The following RBMS3 variants were observed in gnomAD, a reference collection of about 807,000 sequenced individuals.
RBMS3 encodes RNA binding motif single stranded interacting protein 3, also known as RNA-binding motif, single-stranded-interacting protein 3.
In RBMS3, 27 loss-of-function variants were observed where a neutral mutation model predicts 66.8. The ratio of observed to expected loss-of-function variants is 0.40; its 90% CI spans 0.30 to 0.56. The LOEUF is 0.56. RBMS3 is among the 20% of genes least tolerant of loss of function. The probability of loss-of-function intolerance (pLI) is 0.40; values close to 1 mark genes in which losing one functional copy is unlikely to be tolerated. For synonymous variants in RBMS3, 188 were observed against 183.0 expected, an observed-to-expected ratio of 1.03 and a Z score of -0.22; for missense variants, 513 against 549.5, an observed-to-expected ratio of 0.93 and a Z score of 0.66.
intron 1 of RBMS3, among the ~76,000 whole-genome samples, chr3:29,339,999 G>A (rs2036187609): frequency 3.9e-5 from 6 of 152,104 alleles, no homozygotes; most frequent in Non-Finnish European, 8.8e-5. Context: ...AAAACACCAA[G>A]TTGGGGCCAG....
chr3:29,359,343 T>G (rs148159463), intron 1 of RBMS3, among the ~76,000 whole-genome samples: 2,042 of 152,332 alleles, frequency 0.013, 41 homozygotes, highest in African/African-American at 0.047. Flanking sequence ...ATATGCTGGA[T>G]TACGTTTATT....
intron 1 of RBMS3, among the ~76,000 whole-genome samples, chr3:29,368,633 G>T (rs2038032168): frequency 6.6e-6 from 1 of 151,184 alleles, no homozygotes; most frequent in Non-Finnish European, 1.5e-5. Context: ...TAGATTTTTT[G>T]AGTTTGTGAC....
At chr3:29,953,777 C>T (rs766669917) in intron 12 of RBMS3, among the ~76,000 whole-genome samples, 2 of 151,888 alleles carry the variant, frequency 1.3e-5, no homozygotes, top group Admixed American at 1.3e-4. Context: ...CATATTTATG[C>T]TCCTTCAGCT....
chr3:29,970,976 C>G (rs57130455), intron 12 of RBMS3, among the ~76,000 whole-genome samples: 1 of 152,074 alleles, frequency 6.6e-6, no homozygotes, highest in African/African-American at 2.4e-5. Context: ...TCCGTCTTCC[C>G]GCCAGCTTCT....
At chr3:29,656,277 A>C (rs1004754747) in intron 4 of RBMS3, among the ~76,000 whole-genome samples, 1 of 152,304 alleles carries the variant, frequency 6.6e-6, no homozygotes, top group Non-Finnish European at 1.5e-5. Flanking sequence ...ATTCATGTAC[A>C]TCATTTCAAA....
intron 1 of RBMS3, among the ~76,000 whole-genome samples, chr3:29,353,402 A>G (rs2037039952): frequency 6.6e-6 from 1 of 151,902 alleles, no homozygotes; most frequent in Admixed American, 6.6e-5. Flanking sequence ...TCTGTGTGCC[A>G]TTTTGCGTTA....
chr3:29,937,997 C>G lies in RBMS3; in HGVS notation c.1050+1801C>G, dbSNP rs149116649. On this transcript the variant is annotated intron_variant, in intron 11 of 14. Coordinates refer to ENST00000383767, the MANE Select transcript of RBMS3 (RefSeq NM_001003793.3). ...ACAATCTGGAATCTGATTAAAGAGA[C>G]AATTATAATGCAAAACATAGAAACT... 1.4e-3 allele frequency among the ~76,000 whole-genome samples: 210 copies of G among 151,800 alleles called. 1 individual carries two copies. Among genetic ancestry groups the G allele is most frequent in the African/African-American group, 4.8e-3 (199 of 41,444 alleles).
chr3:29,366,452 C>T (rs1328686947), intron 1 of RBMS3, among the ~76,000 whole-genome samples: 2 of 152,128 alleles, frequency 1.3e-5, no homozygotes, highest in African/African-American at 4.8e-5. Context: ...AGTGGTGTAT[C>T]AAAGTTAACT....
chr3:29,803,509 T>C (rs146707807), intron 6 of RBMS3, among the ~76,000 whole-genome samples: 299 of 152,220 alleles, frequency 2.0e-3, no homozygotes, highest in Non-Finnish European at 3.4e-3. Context: ...CTAAAATTCA[T>C]TGGAATATCT....
At chr3:29,288,850 C>CTG (rs2032581649) in intron 1 of RBMS3, among the ~76,000 whole-genome samples, 1 of 151,910 alleles carries the variant, frequency 6.6e-6, no homozygotes, top group African/African-American at 2.4e-5. Context: ...CTCAGCTATA[C>CTG]TGTAGTATTG....
chr3:29,987,416 C>G (rs1388965265), intron 12 of RBMS3, among the ~76,000 whole-genome samples: 1 of 152,102 alleles, frequency 6.6e-6, no homozygotes, highest in African/African-American at 2.4e-5. Context: ...ACAACTTATC[C>G]TCAATACATA....
intron 1 of RBMS3, among the ~76,000 whole-genome samples, chr3:29,352,733 C>A (rs545375570): frequency 6.6e-6 from 1 of 152,060 alleles, no homozygotes; most frequent in African/African-American, 2.4e-5. Context: ...CTCTCTTTAT[C>A]CCTCTTGCAC....
At chr3:29,917,195 T>C (rs1314955756) in intron 10 of RBMS3, among the ~76,000 whole-genome samples, 5 of 152,022 alleles carry the variant, frequency 3.3e-5, no homozygotes, top group Non-Finnish European at 7.4e-5. Context: ...GGAAAAATAA[T>C]TTAAAAACTA....
At chr3:29,603,883 T>C (rs1004665730) in intron 4 of RBMS3, among the ~76,000 whole-genome samples, 2 of 151,918 alleles carry the variant, frequency 1.3e-5, no homozygotes, top group African/African-American at 2.4e-5. Context: ...CTACAATATC[T>C]ATAAACATTT....
chr3:29,767,338 G>A (rs1432323556), intron 6 of RBMS3: 1 of 151,908 alleles, frequency 6.6e-6, no homozygotes, highest in East Asian at 1.9e-4. Context: ...GCTCCTATCA[G>A]TGGAGCAATC....
chr3:29,444,049 A>G (rs933618695), intron 2 of RBMS3, among the ~76,000 whole-genome samples: 1 of 152,148 alleles, frequency 6.6e-6, no homozygotes, highest in Non-Finnish European at 1.5e-5. Context: ...TGTATTATAC[A>G]TCTAAAATGA....
At chr3:29,393,904 G>A (rs754640301) in intron 1 of RBMS3, among the ~76,000 whole-genome samples, 2 of 152,066 alleles carry the variant, frequency 1.3e-5, no homozygotes, top group African/African-American at 4.8e-5. Context: ...AGATCACAAG[G>A]GCAGAGATGC....
intron 4 of RBMS3, among the ~76,000 whole-genome samples, chr3:29,723,060 C>T (rs111270676): frequency 0.33 from 49,736 of 151,524 alleles, 8,280 homozygotes; most frequent in South Asian, 0.42. Context: ...ACTGCAACCT[C>T]CGCCTCCCAG....
chr3:29,381,106 C>T (rs1295836188), intron 1 of RBMS3, among the ~76,000 whole-genome samples: 3 of 152,006 alleles, frequency 2.0e-5, no homozygotes, highest in Middle Eastern at 3.4e-3. Flanking sequence ...TTTTTCTTAC[C>T]TCTTGCACCT....
Sources: gnomAD v4.1 joint callset for allele counts (sites outside exome capture counted in the v4.1 genomes callset) on GRCh38, gnomAD v4.1.1 for gene constraint, MANE v1.5 for transcripts, NCBI Gene and HGNC (gene_info 2026-07-23, HGNC 2026-07-21) for gene names.